Variants in KCNH7 observed in about 807,000 individuals in gnomAD.
KCNH7 encodes the protein voltage-gated inwardly rectifying potassium channel KCNH7.
KCNH7 carries 49 observed loss-of-function variants against 120.8 expected under a neutral mutation model. That is an observed-to-expected ratio of 0.41 (90% CI 0.32 to 0.51). The LOEUF (loss-of-function observed/expected upper bound fraction) is 0.51, where lower values mean the gene tolerates loss of function less well. Ranked by LOEUF, KCNH7 falls within the 20% of genes least tolerant of loss-of-function variation. The probability of loss-of-function intolerance (pLI) is 0.38; values close to 1 mark genes in which losing one functional copy is unlikely to be tolerated. For synonymous variants in KCNH7, 547 were observed against 516.1 expected (o/e 1.06, Z -0.81); for missense variants, 1,097 against 1,446.6 (o/e 0.76, Z 3.92).
At chr2:162,617,478 C>CA (rs1401962065) in intron 2 of KCNH7, among the ~76,000 whole-genome samples, 2 of 150,002 alleles carry the variant, frequency 1.3e-5, no homozygotes, top group East Asian at 2.0e-4. Flanking sequence ...GATTCCATCT[C>CA]AAAAAACAAA....
chr2:162,757,020 C>G (rs1370928250), intron 2 of KCNH7, among the ~76,000 whole-genome samples: 1 of 152,106 alleles, frequency 6.6e-6, no homozygotes, highest in African/African-American at 2.4e-5. Flanking sequence ...TGTGTACATT[C>G]CACTGTGAAA....
chr2:162,796,085 T>G lies in KCNH7; in HGVS notation c.307+40452A>C, dbSNP rs552157439. On this transcript the variant is annotated intron_variant, in intron 2 of 15. Transcript: ENST00000332142. ...TTATACCAATATTATTTGCATCTTG[T>G]TTAAATGAAAAGTTGTTTACATACA... 4 of 152,156 alleles carry G rather than the reference T, an allele frequency of 2.6e-5. No individual in the cohort carries two copies. The South Asian group carries it at 8.3e-4, about 32-fold the overall frequency. 9.4% of individuals were successfully genotyped at this position (152,156 alleles called of 1,614,324 possible).
At chr2:162,380,632 T>C (rs898782645) in intron 13 of KCNH7, among the ~76,000 whole-genome samples, 1 of 152,142 alleles carries the variant, frequency 6.6e-6, no homozygotes, top group African/African-American at 2.4e-5. Context: ...TGTAGCCCCT[T>C]CTGTGCTGCC....
At chr2:162,701,805 G>C (rs1574283655) in intron 2 of KCNH7, among the ~76,000 whole-genome samples, 1 of 152,212 alleles carries the variant, frequency 6.6e-6, no homozygotes, top group East Asian at 1.9e-4. Flanking sequence ...TCAAGAGTTT[G>C]AGACCAACCT....
At chr2:162,431,453 T>C (rs1688064248) in intron 8 of KCNH7, among the ~76,000 whole-genome samples, 1 of 152,030 alleles carries the variant, frequency 6.6e-6, no homozygotes, top group Non-Finnish European at 1.5e-5. Flanking sequence ...CATATACACC[T>C]ATATACATCA....
chr2:162,555,295 T>A (rs1692816652), intron 2 of KCNH7, among the ~76,000 whole-genome samples: 1 of 152,182 alleles, frequency 6.6e-6, no homozygotes, highest in African/African-American at 2.4e-5. Context: ...CTACCACTAT[T>A]AGTGTTCAAA....
intron 14 of KCNH7, among the ~76,000 whole-genome samples, chr2:162,379,141 C>T (rs1686319969): frequency 2.6e-5 from 4 of 152,158 alleles, no homozygotes; most frequent in Admixed American, 6.6e-5. Context: ...CTGTCTGGGA[C>T]CACTGGAATA....
intron 9 of KCNH7, among the ~76,000 whole-genome samples, chr2:162,409,102 T>C (rs1005159801): frequency 6.6e-6 from 1 of 151,304 alleles, no homozygotes; most frequent in Non-Finnish European, 1.5e-5. Context: ...ATGCTGAAAA[T>C]GAAAAGAACA....
chr2:162,647,674 G>A (rs543605189), intron 2 of KCNH7, among the ~76,000 whole-genome samples: 5 of 152,250 alleles, frequency 3.3e-5, no homozygotes, highest in Non-Finnish European at 7.4e-5. Flanking sequence ...TTTAAGACGT[G>A]ACTTTGCTCC....
At chr2:162,774,898 C>T (rs1683179826) in intron 2 of KCNH7, among the ~76,000 whole-genome samples, 1 of 152,072 alleles carries the variant, frequency 6.6e-6, no homozygotes. Flanking sequence ...TTTCTATAGA[C>T]ACTTTAATAG....
chr2:162,731,232 ATG>A (rs35948876), intron 2 of KCNH7, among the ~76,000 whole-genome samples: 24,718 of 143,196 alleles, frequency 0.17, 5,175 homozygotes, highest in African/African-American at 0.52. Context: ...ATATATATAT[ATG>A]TGTGTGTGTG....
At chr2:162,786,014 G>A (rs765882789) in intron 2 of KCNH7, among the ~76,000 whole-genome samples, 2 of 152,020 alleles carry the variant, frequency 1.3e-5, no homozygotes, top group Non-Finnish European at 2.9e-5. Context: ...AGGCCAAGCT[G>A]GGCAGATCAC....
At chr2:162,513,358 T>TTCCC (rs1691161913) in intron 4 of KCNH7, among the ~76,000 whole-genome samples, 1 of 91,700 alleles carries the variant, frequency 1.1e-5, no homozygotes, top group Admixed American at 1.2e-4. Context: ...TCCCTCCTTC[T>TTCCC]TTCCTTCCTT....
chr2:162,670,767 T>C (rs1685322817), intron 2 of KCNH7, among the ~76,000 whole-genome samples: 1 of 148,814 alleles, frequency 6.7e-6, no homozygotes, highest in Admixed American at 6.7e-5. Context: ...ACAAGAAAGG[T>C]GGAAAAAAAT....
chr2:162,414,171 G>T (rs1687475056), intron 9 of KCNH7, among the ~76,000 whole-genome samples: 1 of 151,944 alleles, frequency 6.6e-6, no homozygotes. Flanking sequence ...TAATAGAAAT[G>T]TAAATTGTTA....
At position 162,413,405 on chromosome 2, in the gene KCNH7, G is replaced by A. The variant is rs1035547803; in HGVS notation, c.2154+9931C>T. On this transcript the variant is annotated intron_variant, in intron 9 of 15. Transcript: ENST00000332142. Reference sequence around the variant, plus strand: ...GCCTCCCAAAGTGCTGGAATTACAGGGGTGAGCCACTGTGCCCAGCCAAAC... The same window carrying A: ...GCCTCCCAAAGTGCTGGAATTACAGAGGTGAGCCACTGTGCCCAGCCAAAC... Among the ~76,000 whole-genome samples the A allele has an allele frequency of 2.2e-4, 33 of 152,210 alleles. 1 individual carries two copies. Among genetic ancestry groups the A allele is most frequent in the African/African-American group, 7.7e-4 (32 of 41,552 alleles).
At chr2:162,699,276 T>C (rs1354517485) in intron 2 of KCNH7, among the ~76,000 whole-genome samples, 3 of 152,136 alleles carry the variant, frequency 2.0e-5, no homozygotes, top group African/African-American at 7.2e-5. Context: ...TGAGATCACA[T>C]GGTATTTGTC....
At chr2:162,756,601 A>G (rs959259397) in intron 2 of KCNH7, among the ~76,000 whole-genome samples, 1 of 152,110 alleles carries the variant, frequency 6.6e-6, no homozygotes, top group Non-Finnish European at 1.5e-5. Context: ...AATAGCTGGG[A>G]CTACAGGGAC....
chr2:162,655,914 C>T (rs1260836122), intron 2 of KCNH7, among the ~76,000 whole-genome samples: 1 of 152,174 alleles, frequency 6.6e-6, no homozygotes, highest in African/African-American at 2.4e-5. Flanking sequence ...ATGATAATAA[C>T]AATGACATCT....
Sources: allele counts gnomAD v4.1 joint callset (sites outside exome capture counted in the v4.1 genomes callset), GRCh38; gene constraint gnomAD v4.1.1; transcripts MANE v1.5; gene names NCBI Gene and HGNC (gene_info 2026-07-23, HGNC 2026-07-21).